The following SLIT3 variants were observed in gnomAD, a reference collection of about 807,000 sequenced individuals.
SLIT3 encodes slit guidance ligand 3.
SLIT3 carries 68 observed loss-of-function variants against 184.0 expected under a neutral mutation model. That is an observed-to-expected ratio of 0.37 (90% CI 0.30 to 0.45). The LOEUF (loss-of-function observed/expected upper bound fraction) is 0.45. Among genes scored for constraint, SLIT3 ranks in the 20% least tolerant of loss-of-function variants. The pLI, the probability that SLIT3 is intolerant of heterozygous loss-of-function variation, is 1.00. For synonymous variants in SLIT3, 831 were observed against 828.6 expected (o/e 1.00, Z -0.05); for missense variants, 1,707 against 2,026.0 (o/e 0.84, Z 3.02).
chr5:168,831,546 A>C (rs1489204804), intron 6 of SLIT3, among the ~76,000 whole-genome samples: 2 of 152,218 alleles, frequency 1.3e-5, no homozygotes, highest in Non-Finnish European at 2.9e-5. Flanking sequence ...AAGGGGCCTT[A>C]TTCACTGACG....
chr5:168,728,911 C>A, intron 20 of SLIT3, among the ~76,000 whole-genome samples: 1 of 149,816 alleles, frequency 6.7e-6, no homozygotes, highest in African/African-American at 2.5e-5. Context: ...GAGTTAGACT[C>A]TGTCTCAAAA....
chr5:169,066,852 A>G (rs1208944656), intron 4 of SLIT3, among the ~76,000 whole-genome samples: 1 of 152,124 alleles, frequency 6.6e-6, no homozygotes, highest in African/African-American at 2.4e-5. Context: ...TACTTGGCTG[A>G]ACTTAAGAAA....
At chr5:169,177,801 G>A (rs1377538170) in intron 4 of SLIT3, among the ~76,000 whole-genome samples, 2 of 152,190 alleles carry the variant, frequency 1.3e-5, no homozygotes, top group African/African-American at 4.8e-5. Context: ...GCTCTGGGAA[G>A]CAGTCACTGT....
chr5:169,027,327 G>C (rs1263418858), intron 4 of SLIT3, among the ~76,000 whole-genome samples: 1 of 152,168 alleles, frequency 6.6e-6, no homozygotes, highest in East Asian at 1.9e-4. Context: ...ACTAGCCTTT[G>C]TTATAATATT....
chr5:169,049,626 C>T (rs1412768684), intron 4 of SLIT3, among the ~76,000 whole-genome samples: 2 of 152,146 alleles, frequency 1.3e-5, no homozygotes, highest in Non-Finnish European at 2.9e-5. Context: ...TCCACGAAGT[C>T]CAGCCTAGGG....
chr5:168,810,611 G>A (rs1489743564), intron 8 of SLIT3, among the ~76,000 whole-genome samples: 1 of 152,222 alleles, frequency 6.6e-6, no homozygotes, highest in African/African-American at 2.4e-5. Context: ...CCTCTGGGGG[G>A]GACTTGGTCA....
At position 168,948,541 on chromosome 5, in the gene SLIT3, T is replaced by C. The variant is rs562190230; in HGVS notation, c.414-65205A>G. On this transcript the variant is annotated intron_variant, in intron 4 of 35. Coordinates refer to ENST00000519560, the MANE Select transcript of SLIT3 (RefSeq NM_003062.4). ...GTCCTTCTGAGGCAGGTGTAAGTTGTGGAATTTTCCCTTTCTGGAGATTTT... is the reference window on the plus strand; with the variant it reads ...GTCCTTCTGAGGCAGGTGTAAGTTGCGGAATTTTCCCTTTCTGGAGATTTT... Among the ~76,000 whole-genome samples, 88 of 152,280 alleles carry C rather than the reference T, an allele frequency of 5.8e-4. No homozygotes were observed. The Middle Eastern group carries it at 0.014, about 24-fold the overall frequency.
At chr5:168,771,315 G>A (rs938765443) in intron 14 of SLIT3, among the ~76,000 whole-genome samples, 2 of 152,166 alleles carry the variant, frequency 1.3e-5, no homozygotes, top group African/African-American at 4.8e-5. Context: ...AGGGGTGGGA[G>A]CATGAGACCA....
intron 5 of SLIT3, among the ~76,000 whole-genome samples, chr5:168,856,827 G>A (rs553164933): frequency 6.7e-6 from 1 of 149,524 alleles, no homozygotes; most frequent in African/African-American, 2.5e-5. Context: ...GCACGCCTTT[G>A]TTCAGACTGG....
rs192655873 is a variant in SLIT3, at chr5:168,703,514, G to T, written c.2845-2835C>A. Reference sequence around the variant, plus strand: ...TGCATGCGAGGGATCTAGGTTGCACGCTCCTTATGAGAATCTAACTAATAC... The same window carrying T: ...TGCATGCGAGGGATCTAGGTTGCACTCTCCTTATGAGAATCTAACTAATAC... On this transcript the variant is annotated intron_variant, in intron 26 of 35. Coordinates refer to ENST00000519560, the MANE Select transcript of SLIT3 (RefSeq NM_003062.4). 2.4e-3 allele frequency among the ~76,000 whole-genome samples: 370 copies of T among 152,120 alleles called. 2 individuals carry two copies. The highest frequency in any genetic ancestry group is 8.0e-3 in the African/African-American group (331 of 41,498).
intron 6 of SLIT3, among the ~76,000 whole-genome samples, chr5:168,839,954 G>T (rs765584023): frequency 6.6e-5 from 10 of 152,316 alleles, no homozygotes; most frequent in Non-Finnish European, 1.3e-4. Context: ...TGCTCAGGGT[G>T]CAGAATGCTA....
intron 4 of SLIT3, among the ~76,000 whole-genome samples, chr5:168,924,808 C>T (rs1408382751): frequency 6.6e-6 from 1 of 152,134 alleles, no homozygotes; most frequent in Non-Finnish European, 1.5e-5. Flanking sequence ...CCACCGCACC[C>T]AGCTGCATTT....
intron 21 of SLIT3, among the ~76,000 whole-genome samples, chr5:168,724,167 C>T (rs1302757425): frequency 3.9e-5 from 6 of 152,102 alleles, no homozygotes; most frequent in African/African-American, 1.4e-4. Context: ...GGAATCCATC[C>T]CACAGAGAGA....
intron 1 of SLIT3, among the ~76,000 whole-genome samples, chr5:169,252,863 T>TA (rs1765823395): frequency 1.3e-5 from 2 of 152,104 alleles, no homozygotes; most frequent in African/African-American, 2.4e-5. Flanking sequence ...TATATATATA[T>TA]AAAAAATTCA....
intron 4 of SLIT3, among the ~76,000 whole-genome samples, chr5:169,138,640 C>T (rs1019632326): frequency 2.6e-5 from 4 of 152,208 alleles, no homozygotes; most frequent in African/African-American, 4.8e-5. Flanking sequence ...TAAGTTCCCA[C>T]GTTGCAACTG....
In SLIT3 at chr5:169,174,218, C is replaced by T. The variant is rs76930873; in HGVS notation, c.413+19261G>A. 4.6e-3 allele frequency among the ~76,000 whole-genome samples: 701 copies of T among 152,288 alleles called. 27 individuals are homozygous for T. In the East Asian group the frequency reaches 0.075, roughly 16 times the overall value. The stretch of plus-strand genomic sequence containing the variant: ...AGGCTCTGCACTGCCAATGTTGTTG[C>T]TTGTTGGTTCATTTTCCCTTATCCT... On this transcript the variant is annotated intron_variant, in intron 4 of 35. Coordinates refer to ENST00000519560, the MANE Select transcript of SLIT3 (RefSeq NM_003062.4).
At chr5:169,254,668 T>C (rs1395962926) in intron 1 of SLIT3, among the ~76,000 whole-genome samples, 1 of 152,156 alleles carries the variant, frequency 6.6e-6, no homozygotes, top group Admixed American at 6.5e-5. Context: ...CCCTCACTTG[T>C]ACTGCAGCCT....
At chr5:169,239,210 T>C (rs1022888793) in intron 3 of SLIT3, among the ~76,000 whole-genome samples, 2 of 152,204 alleles carry the variant, frequency 1.3e-5, no homozygotes, top group Non-Finnish European at 2.9e-5. Context: ...TGGAATATAT[T>C]ATCCTTTTCA....
chr5:168,682,358 G>C (rs920596341), intron 32 of SLIT3, among the ~76,000 whole-genome samples: 5 of 152,198 alleles, frequency 3.3e-5, no homozygotes, highest in African/African-American at 1.2e-4. Flanking sequence ...CTTTCTGCAG[G>C]AAGTTTTCCT....
Sources: allele counts gnomAD v4.1 joint callset (sites outside exome capture counted in the v4.1 genomes callset), GRCh38; gene constraint gnomAD v4.1.1; transcripts MANE v1.5; gene names NCBI Gene and HGNC (gene_info 2026-07-23, HGNC 2026-07-21).